NPIPA9: variants seen among roughly 807,000 people sequenced by gnomAD.
The protein encoded by NPIPA9 is nuclear pore complex interacting protein family member A9.
intron 2 of NPIPA9, chr16:18,374,388 C>T (rs1166302553): frequency 2.4e-5 from 4 of 167,638 alleles, no homozygotes; most frequent in African/African-American, 1.1e-4. Flanking sequence ...GAGCCGAGAT[C>T]GTACCATTGC....
chr16:18,370,261 G>C (rs1434040264), intron 3 of NPIPA9, among the ~76,000 whole-genome samples: 1 of 128,544 alleles, frequency 7.8e-6, no homozygotes, highest in African/African-American at 2.9e-5. Flanking sequence ...CTGCACTTCA[G>C]CCTGGGTGAC....
At chr16:18,374,259 C>T (rs1900568228) in intron 2 of NPIPA9, among the ~76,000 whole-genome samples, 1 of 24,938 alleles carries the variant, frequency 4.0e-5, no homozygotes, top group Admixed American at 5.0e-4. Context: ...CATGCTGAAA[C>T]CCCGTCTCTA....
intron 4 of NPIPA9, among the ~76,000 whole-genome samples, chr16:18,365,223 G>A (rs1900494035): frequency 1.3e-5 from 1 of 78,962 alleles, no homozygotes; most frequent in Non-Finnish European, 2.4e-5. Flanking sequence ...GTGTTGAGCT[G>A]AGATTGTGCC....
intron 3 of NPIPA9, among the ~76,000 whole-genome samples, chr16:18,370,163 G>A (rs1312801474): frequency 4.9e-5 from 6 of 122,428 alleles, no homozygotes; most frequent in Non-Finnish European, 8.5e-5. Flanking sequence ...GGTGGCACGC[G>A]CCTATAGTTC....
intron 1 of NPIPA9, 95 bp from the exon 2 acceptor site, chr16:18,375,164 G>T (rs1900586870): frequency 1.9e-6 from 1 of 538,072 alleles, no homozygotes; most frequent in South Asian, 2.0e-5. Flanking sequence ...ACAGAGCCCG[G>T]TGCCATCTGA....
chr16:18,364,888 C>A (rs1410757685), intron 4 of NPIPA9, among the ~76,000 whole-genome samples: 2,509 of 111,080 alleles, frequency 0.023, 4 homozygotes, highest in African/African-American at 0.059. Context: ...TTGCAGTGAG[C>A]CGAGATCACA....
chr16:18,370,357 C>T (rs1900526343), intron 3 of NPIPA9, among the ~76,000 whole-genome samples: 1 of 118,488 alleles, frequency 8.4e-6, no homozygotes, highest in Admixed American at 9.0e-5. Flanking sequence ...CGTGGGATTT[C>T]TCTAAGATTG....
At chr16:18,371,570 G>C (rs1348084294) in intron 3 of NPIPA9, among the ~76,000 whole-genome samples, 8 of 107,642 alleles carry the variant, frequency 7.4e-5, no homozygotes. Context: ...GGGCCATCTC[G>C]GCTCACTGCA....
At chr16:18,371,451 T>TAAAAAAAAAAAAA (rs778066038) in intron 3 of NPIPA9, among the ~76,000 whole-genome samples, 3 of 56,632 alleles carry the variant, frequency 5.3e-5, no homozygotes, top group African/African-American at 2.2e-4. Context: ...GACTCTGTCT[T>TAAAAAAAAAAAAA]AAAAAAAAAA....
intron 2 of NPIPA9, chr16:18,374,378 G>A (rs1900570049): frequency 7.7e-6 from 1 of 129,296 alleles, no homozygotes; most frequent in Non-Finnish European, 1.5e-5. Flanking sequence ...AGGTTGCAGT[G>A]AGCCGAGATC....
chr16:18,371,996 G>A, intron 3 of NPIPA9: 1 of 32,468 alleles, frequency 3.1e-5, no homozygotes, highest in Non-Finnish European at 5.5e-5. Flanking sequence ...AGCAGCCACC[G>A]CACCCGCATG....
At chr16:18,364,735 A>G (rs1235682859) in intron 4 of NPIPA9, 101 bp from the exon 5 acceptor site, 1 of 24,160 alleles carries the variant, frequency 4.1e-5, no homozygotes, top group African/African-American at 3.1e-4. Context: ...CGGGGTCAGG[A>G]GTTCAAGACC....
intron 3 of NPIPA9, chr16:18,371,230 G>A (rs1260462663): frequency 9.5e-6 from 1 of 105,134 alleles, no homozygotes; most frequent in East Asian, 2.5e-4. Flanking sequence ...GCACTGGGAG[G>A]CCGAGGCAGG....
At chr16:18,365,250 G>A (rs1900494648) in intron 4 of NPIPA9, among the ~76,000 whole-genome samples, 2 of 84,624 alleles carry the variant, frequency 2.4e-5, no homozygotes, top group Non-Finnish European at 4.5e-5. Context: ...CTCCAACATG[G>A]GCAACAAAAT....
rs558554012 is a variant in NPIPA9 at position 18,374,529 on chromosome 16, A to T, written c.-70+303T>A. 47 of 994,580 alleles carry T rather than the reference A, an allele frequency of 4.7e-5. 7 individuals are homozygous for T. In the East Asian group the frequency reaches 1.3e-3, roughly 28 times the overall value. The allele number at this position is 994,580 out of a possible 1,614,324, so 61.6% of individuals were successfully genotyped here. On this transcript the variant is annotated intron_variant, in intron 2 of 9. Coordinates refer to ENST00000427999, the Ensembl canonical transcript of NPIPA9. ...CCAGTAAGTGGGGGTCATGCCGCAG[A>T]TTGCTACCCACAATGGACGGGTCAC...
At chr16:18,365,295 T>A (rs1351491065) in intron 4 of NPIPA9, among the ~76,000 whole-genome samples, 25 of 79,762 alleles carry the variant, frequency 3.1e-4, no homozygotes, top group South Asian at 2.2e-3. Flanking sequence ...AAAAAAAAAA[T>A]ATAGGCCAGG....
At chr16:18,363,518 T>C (rs1900471932) in intron 6 of NPIPA9, among the ~76,000 whole-genome samples, 1 of 105,458 alleles carries the variant, frequency 9.5e-6, no homozygotes, top group Non-Finnish European at 1.9e-5. Context: ...AAAAAAAAAA[T>C]TGGCCGAATG....
intron 4 of NPIPA9, among the ~76,000 whole-genome samples, chr16:18,365,142 T>A (rs1251443995): frequency 1.2e-5 from 1 of 81,456 alleles, no homozygotes; most frequent in Non-Finnish European, 2.3e-5. Context: ...GGCATGGTGG[T>A]GCATGCCTGT....
chr16:18,364,892 G>T (rs1374059180), intron 4 of NPIPA9, among the ~76,000 whole-genome samples: 28 of 126,442 alleles, frequency 2.2e-4, no homozygotes, highest in Non-Finnish European at 2.3e-4. Flanking sequence ...AGTGAGCCGA[G>T]ATCACACCAC....
Sources: allele counts gnomAD v4.1 joint callset (sites outside exome capture counted in the v4.1 genomes callset), GRCh38; gene constraint gnomAD v4.1.1; transcripts MANE v1.5; gene names NCBI Gene and HGNC (gene_info 2026-07-23, HGNC 2026-07-21).